RBPMS: variants seen among roughly 807,000 people sequenced by gnomAD.
The protein encoded by RBPMS is RNA-binding protein with multiple splicing.
Under a neutral mutation model 26.8 loss-of-function variants are expected in RBPMS, and 7 were observed. The observed-to-expected ratio is 0.26, with a 90% CI of 0.15 to 0.49. RBPMS has a LOEUF of 0.49. Ranked by LOEUF, RBPMS falls within the 20% of genes least tolerant of loss-of-function variation. RBPMS has a pLI of 0.98. For synonymous variants in RBPMS, 96 were observed against 93.3 expected (o/e 1.03, Z -0.17); for missense variants, 186 against 250.0 (o/e 0.74, Z 1.73).
intron 1 of RBPMS, chr8:30,385,394 A>C (rs1806914511): frequency 2.6e-6 from 1 of 380,098 alleles, no homozygotes; most frequent in East Asian, 4.1e-5. Context: ...GACTTTTGTA[A>C]GTATAATGCT....
At chr8:30,533,781 C>T (rs1207813797) in intron 5 of RBPMS, among the ~76,000 whole-genome samples, 1 of 152,096 alleles carries the variant, frequency 6.6e-6, no homozygotes, top group Non-Finnish European at 1.5e-5. Context: ...TGCTTGTACA[C>T]AAATCAGGTT....
intron 6 of RBPMS, among the ~76,000 whole-genome samples, chr8:30,551,978 T>C (rs1826422580): frequency 6.6e-6 from 1 of 152,206 alleles, no homozygotes; most frequent in Admixed American, 6.5e-5. Flanking sequence ...TGCCTTCCCT[T>C]TGTCAGGATT....
rs774020460 is a variant in RBPMS at position 30,558,915 on chromosome 8, C to T, written c.557C>T (p.Thr186Ile). The change falls in exon 7 of 9, where the codon ACT becomes ATT. Residue 186 changes from threonine to isoleucine, a missense_variant. Transcript: ENST00000397323. Reference sequence around the variant, plus strand: ...CGCTGGCTCCCTCCCTCCGAGGCTACTTCTCAGGGCTGGAAGTCCCGTCAG... The same window carrying T: ...CGCTGGCTCCCTCCCTCCGAGGCTATTTCTCAGGGCTGGAAGTCCCGTCAG... ...QMRWLPPSEA[T>I]SQGWKSRQFC 1 of 1,614,072 alleles carries T rather than the reference C, an allele frequency of 6.2e-7. No homozygotes were observed. The highest frequency in any genetic ancestry group is 8.5e-7 in the Non-Finnish European group (1 of 1,180,050).
At chr8:30,419,079 A>C (rs2150610784) in intron 1 of RBPMS, among the ~76,000 whole-genome samples, 1 of 152,126 alleles carries the variant, frequency 6.6e-6, no homozygotes, top group Admixed American at 6.5e-5. Flanking sequence ...AAAAAAAAAA[A>C]AAACAGAACT....
chr8:30,525,118 G>A (rs775593427), intron 5 of RBPMS, among the ~76,000 whole-genome samples: 9 of 152,136 alleles, frequency 5.9e-5, no homozygotes, highest in Non-Finnish European at 1.0e-4. Context: ...CTGGTAAATA[G>A]TTAAAGATTA....
At chr8:30,454,672 T>A (rs1270725369) in intron 1 of RBPMS, among the ~76,000 whole-genome samples, 1 of 152,168 alleles carries the variant, frequency 6.6e-6, no homozygotes, top group African/African-American at 2.4e-5. Flanking sequence ...GAGTAATCCT[T>A]GTGTCTCAGA....
chr8:30,487,983 A>G (rs1818974467), intron 4 of RBPMS, among the ~76,000 whole-genome samples: 1 of 152,056 alleles, frequency 6.6e-6, no homozygotes, highest in African/African-American at 2.4e-5. Context: ...GTTAATTTTT[A>G]GGATTATTGT....
chr8:30,567,407 G>GT (rs1307677831), intron 8 of RBPMS, among the ~76,000 whole-genome samples: 1 of 152,208 alleles, frequency 6.6e-6, no homozygotes, highest in Non-Finnish European at 1.5e-5. Flanking sequence ...CAGGGTGCCT[G>GT]TTTCTTGCAC....
intron 4 of RBPMS, among the ~76,000 whole-genome samples, chr8:30,484,464 A>T (rs992125817): frequency 6.6e-6 from 1 of 152,208 alleles, no homozygotes; most frequent in East Asian, 1.9e-4. Context: ...ACAGAACTTG[A>T]AGGAAAGGTA....
chr8:30,410,459 C>T (rs1028149090), intron 1 of RBPMS, among the ~76,000 whole-genome samples: 3 of 151,856 alleles, frequency 2.0e-5, no homozygotes, highest in Non-Finnish European at 2.9e-5. Context: ...CTGCCCCCCT[C>T]GGCCTCCCAA....
chr8:30,385,416 G>T, intron 1 of RBPMS: 1 of 344,348 alleles, frequency 2.9e-6, no homozygotes, highest in African/African-American at 2.1e-5. Flanking sequence ...AGCTTTGTTT[G>T]CCCGGGATTT....
chr8:30,531,189 G>A (rs554822770), intron 5 of RBPMS, among the ~76,000 whole-genome samples: 7 of 152,036 alleles, frequency 4.6e-5, no homozygotes, highest in South Asian at 2.1e-4. Flanking sequence ...ACCAGCAGTC[G>A]GTTCTAGATT....
intron 1 of RBPMS, among the ~76,000 whole-genome samples, chr8:30,389,667 A>G (rs1807550232): frequency 6.6e-6 from 1 of 152,198 alleles, no homozygotes; most frequent in South Asian, 2.1e-4. Flanking sequence ...TATGACAGTG[A>G]CAATTCAGAG....
intron 4 of RBPMS, among the ~76,000 whole-genome samples, chr8:30,483,673 C>T (rs1279043133): frequency 6.6e-6 from 1 of 151,900 alleles, no homozygotes; most frequent in African/African-American, 2.4e-5. Flanking sequence ...TAATTACATT[C>T]ACCATGTTAT....
intron 1 of RBPMS, among the ~76,000 whole-genome samples, chr8:30,466,782 C>T (rs1032331571): frequency 7.2e-5 from 11 of 152,000 alleles, no homozygotes; most frequent in South Asian, 2.1e-4. Context: ...TTAGTAGAGA[C>T]GGGGTTTCAC....
intron 1 of RBPMS, among the ~76,000 whole-genome samples, chr8:30,434,267 G>T (rs943580114): frequency 6.6e-6 from 1 of 152,172 alleles, no homozygotes; most frequent in African/African-American, 2.4e-5. Flanking sequence ...ATTAGGTCCA[G>T]TACTGGGGAT....
At position 30,457,842 on chromosome 8, in the gene RBPMS, C is replaced by A. The variant is rs539747116; in HGVS notation, c.67-16937C>A. 2.9e-4 allele frequency among the ~76,000 whole-genome samples: 44 copies of A among 152,258 alleles called. 1 individual carries two copies. The highest frequency in any genetic ancestry group is 6.8e-3 in the Middle Eastern group (2 of 294). ...CTGCCCACCTCAGCCTCCCAAAGTGCTGGGATTACAGGCGTGAGCCACCGC... is the reference window on the plus strand; with the variant it reads ...CTGCCCACCTCAGCCTCCCAAAGTGATGGGATTACAGGCGTGAGCCACCGC... On this transcript the variant is annotated intron_variant, in intron 1 of 8. Transcript: ENST00000397323.
At chr8:30,430,820 C>G (rs1239626269) in intron 1 of RBPMS, among the ~76,000 whole-genome samples, 3 of 152,066 alleles carry the variant, frequency 2.0e-5, no homozygotes, top group Non-Finnish European at 4.4e-5. Flanking sequence ...TTAAAAAATA[C>G]CTATGTCTTA....
rs1233670869 is a variant in RBPMS at position 30,566,354 on chromosome 8, C to T, written c.*105C>T. 1.1e-6 allele frequency: 1 copy of T among 886,436 alleles called. No individual in the cohort carries two copies. The highest frequency in any genetic ancestry group is 1.3e-4 in the East Asian group (1 of 7,510). The allele number at this position is 886,436 out of a possible 1,614,324, so 54.9% of individuals were successfully genotyped here. A position where few individuals can be genotyped will look rare whatever the true frequency, so the allele number is the denominator to read the frequency against. On this transcript the variant is annotated 3_prime_UTR_variant, in exon 8 of 9. Transcript: ENST00000397323. ...CTCTAGCTGTTCTACAAAACTGGAG[C>T]ATGCTGGTGAGTAACAGTCAGGGCT...
Sources: gnomAD v4.1 joint callset for allele counts (sites outside exome capture counted in the v4.1 genomes callset) on GRCh38, gnomAD v4.1.1 for gene constraint, MANE v1.5 for transcripts, NCBI Gene and HGNC (gene_info 2026-07-23, HGNC 2026-07-21) for gene names.